RPAP3: variants seen among roughly 807,000 people sequenced by gnomAD.
RPAP3 encodes RNA polymerase II associated protein 3.
Under a neutral mutation model 88.8 loss-of-function variants are expected in RPAP3, and 58 were observed. The observed-to-expected ratio is 0.65, with a 90% confidence interval of 0.53 to 0.81. The LOEUF (loss-of-function observed/expected upper bound fraction) is 0.81. Among genes scored for constraint, RPAP3 ranks in the 40% least tolerant of loss-of-function variants. The pLI is 0.00. For missense variants in RPAP3, 751 were observed against 764.3 expected, an observed-to-expected ratio of 0.98 and a Z score of 0.20; for synonymous variants, 255 against 259.9, an observed-to-expected ratio of 0.98 and a Z score of 0.18.
At chr12:47,698,319 AT>A (rs1268247488) in intron 3 of RPAP3, among the ~76,000 whole-genome samples, 1 of 152,130 alleles carries the variant, frequency 6.6e-6, no homozygotes, top group East Asian at 1.9e-4. Flanking sequence ...CTCAATCGAT[AT>A]GTTATACTGT....
intron 12 of RPAP3, among the ~76,000 whole-genome samples, chr12:47,676,910 A>C (rs2136617812): frequency 6.6e-6 from 1 of 152,326 alleles, no homozygotes; most frequent in Middle Eastern, 3.4e-3. Context: ...CAACATCCTG[A>C]TACCAAAGCC....
rs1282773145 is a variant in RPAP3 at position 47,705,953 on chromosome 12, T to G, written c.-8A>C. ...GCGAGAACCGCAACGCCCGCTCACC[T>G]GACCAGGCCGTAACCCGCCGCACTG... On this transcript the variant is annotated splice_region_variant and 5_prime_UTR_variant, in exon 1 of 17. Coordinates refer to ENST00000005386, the MANE Select transcript of RPAP3 (RefSeq NM_024604.3). 6.5e-6 allele frequency: 1 copy of G among 153,060 alleles called. No homozygotes were observed. Among genetic ancestry groups the G allele is most frequent in the African/African-American group, 2.4e-5 (1 of 41,338 alleles). The allele number at this position is 153,060 out of a possible 1,614,324, so 9.5% of individuals were successfully genotyped here.
Position 47,679,764 on chromosome 12 carries a change from A to T in RPAP3, c.1125T>A (p.Thr375=). 1 of 1,604,058 alleles carries T rather than the reference A, an allele frequency of 6.2e-7. No homozygotes were observed. The highest frequency in any genetic ancestry group is 2.2e-5 in the East Asian group (1 of 44,662). Residue 375 remains threonine, a synonymous_variant, in exon 11 of 17, where the codon ACT becomes ACA. Coordinates refer to ENST00000005386, the MANE Select transcript of RPAP3 (RefSeq NM_024604.3). ...KLNEAKQDFE[T]VLLLEPGNKQ... ...TATTTCCAGGTTCCAGAAGTAAAACAGTTTCAAAATCTAAAGCGAATTTTT... is the reference window on the plus strand; with the variant it reads ...TATTTCCAGGTTCCAGAAGTAAAACTGTTTCAAAATCTAAAGCGAATTTTT...
At chr12:47,667,983 T>C (rs1303483805) in intron 14 of RPAP3, 132 bp from the exon 15 acceptor site, 1 of 558,668 alleles carries the variant, frequency 1.8e-6, no homozygotes, top group Non-Finnish European at 3.2e-6. Flanking sequence ...TCACCTGAGG[T>C]TGGGAGTTCG....
Position 47,689,158 on chromosome 12 carries a change from A to T in RPAP3, c.705T>A (p.Phe235Leu), listed in dbSNP as rs138580530. 6.7e-7 allele frequency: 1 copy of T among 1,482,648 alleles called. No individual in the cohort carries two copies. The highest frequency in any genetic ancestry group is 1.4e-5 in the African/African-American group (1 of 71,802). The allele number at this position is 1,482,648 out of a possible 1,614,324, so 91.8% of individuals were successfully genotyped here. A position where few individuals can be genotyped will look rare whatever the true frequency, so the allele number is the denominator to read the frequency against. ...TTTTCCTGAGTTCATTTGTTGCTTC[A>T]AAGTTATTTGGTTCTAGTTCTAATA... The part of the protein sequence containing the change: ...ERVLELEPNN[F>L]EATNELRKIS... The change falls in exon 7 of 17, where the codon TTT becomes TTA. Residue 235 changes from phenylalanine to leucine, a missense_variant. Coordinates refer to ENST00000005386, the MANE Select transcript of RPAP3 (RefSeq NM_024604.3).
At chr12:47,682,330 TAC>T (rs1939237124) in intron 9 of RPAP3, among the ~76,000 whole-genome samples, 2 of 152,118 alleles carry the variant, frequency 1.3e-5, no homozygotes, top group African/African-American at 2.4e-5. Flanking sequence ...AATTCAGACT[TAC>T]AGACTTACTC....
intron 2 of RPAP3, among the ~76,000 whole-genome samples, chr12:47,702,189 C>A (rs372110151): frequency 3.3e-5 from 5 of 152,284 alleles, no homozygotes; most frequent in East Asian, 3.9e-4. Context: ...ACTCACTAAG[C>A]CTTAAAATAT....
At chr12:47,696,248 A>G (rs1939523160) in intron 5 of RPAP3, 28 bp downstream of exon 5, 3 of 1,486,776 alleles carry the variant, frequency 2.0e-6, no homozygotes, top group Non-Finnish European at 2.7e-6. Flanking sequence ...AGACATTCAC[A>G]TTCACACACG....
intron 3 of RPAP3, 39 bp from the exon 4 acceptor site, chr12:47,697,758 T>A (rs377669093): frequency 1.3e-6 from 2 of 1,545,914 alleles, no homozygotes; most frequent in South Asian, 2.5e-5. Context: ...CATAATTATA[T>A]GATTAGGAAA....
intron 1 of RPAP3, among the ~76,000 whole-genome samples, chr12:47,705,599 C>G (rs1939774962): frequency 6.6e-6 from 1 of 152,174 alleles, no homozygotes; most frequent in Non-Finnish European, 1.5e-5. Context: ...ACTTTCACAC[C>G]CGCTGTCCCG....
chr12:47,690,057 A>G (rs1380746686), intron 6 of RPAP3, among the ~76,000 whole-genome samples: 2 of 130,318 alleles, frequency 1.5e-5, no homozygotes, highest in African/African-American at 2.6e-5. Context: ...AAAAAAAAAG[A>G]AAAAAAAAAA....
rs1938759172 is a variant in RPAP3 at position 47,661,493 on chromosome 12, T to A, written c.*2012A>T. The stretch of plus-strand genomic sequence containing the variant: ...AAAAACAAAGAATAGAAAAGTAACT[T>A]GTCCAAGGCCCTAAAGCCAGATGGA... On this transcript the variant is annotated 3_prime_UTR_variant, in exon 17 of 17. Coordinates refer to ENST00000005386, the MANE Select transcript of RPAP3 (RefSeq NM_024604.3). The A allele has an allele frequency of 6.6e-6, 1 of 152,202 alleles. No homozygotes were observed. The highest frequency in any genetic ancestry group is 2.4e-5 in the African/African-American group (1 of 41,456). The allele number at this position is 152,202 out of a possible 1,614,324, so 9.4% of individuals were successfully genotyped here.
At position 47,661,351 on chromosome 12, in the gene RPAP3, G is replaced by A. The variant is rs1399017465; in HGVS notation, c.*2154C>T. 3.0e-5 allele frequency: 4 copies of A among 133,152 alleles called. No homozygotes were observed. The highest frequency in any genetic ancestry group is 8.3e-5 in the African/African-American group (3 of 36,274). The allele number at this position is 133,152 out of a possible 1,614,324, so 8.2% of individuals were successfully genotyped here. ...TGTTCTTTATTCTAATCACTTTTAG[G>A]AAATGTTGGTAATTGTAATAATAAT... is the stretch of plus-strand genomic sequence containing the variant. On this transcript the variant is annotated 3_prime_UTR_variant, in exon 17 of 17. Transcript: ENST00000005386.
chr12:47,701,455 T>C lies in RPAP3; in HGVS notation c.294+9A>G, dbSNP rs1432455567. On this transcript the variant is annotated intron_variant, in intron 3 of 16. Coordinates refer to ENST00000005386, the MANE Select transcript of RPAP3 (RefSeq NM_024604.3). ...AAATATTAAGAAGCAAATGACTAGATTAACTTACCACATCAAGTTTTGCCC... is the reference window on the plus strand; with the variant it reads ...AAATATTAAGAAGCAAATGACTAGACTAACTTACCACATCAAGTTTTGCCC... 6.4e-7 allele frequency: 1 copy of C among 1,551,792 alleles called. No individual in the cohort carries two copies. Among genetic ancestry groups the C allele is most frequent in the Non-Finnish European group, 8.7e-7 (1 of 1,155,180 alleles).
Position 47,670,274 on chromosome 12 carries a change from A to G in RPAP3, c.1359T>C (p.Thr453=). The G allele has an allele frequency of 1.2e-6, 2 of 1,613,510 alleles. No individual in the cohort carries two copies. Residue 453 remains threonine (T), a synonymous_variant, in exon 13 of 17, where the codon ACT becomes ACC. Coordinates refer to ENST00000005386, the MANE Select transcript of RPAP3 (RefSeq NM_024604.3). The stretch of plus-strand genomic sequence containing the variant: ...GATTATTCTCTGGAGCAGCAGCAGT[A>G]GTGCTATCTGGCACATCAATAGTCT... ...LIQTIDVPDS[T]TAAAPENNPI... is the part of the protein sequence containing the mutation.
At chr12:47,700,026 C>G (rs1939626389) in intron 3 of RPAP3, 1 of 148,576 alleles carries the variant, frequency 6.7e-6, no homozygotes, top group African/African-American at 2.5e-5. Flanking sequence ...CAGAGTCTCC[C>G]TCTGTGGCCC....
chr12:47,667,928 A>G (rs1938915354), intron 14 of RPAP3, 77 bp from the exon 15 acceptor site: 1 of 954,320 alleles, frequency 1.0e-6, no homozygotes, highest in Non-Finnish European at 1.6e-6. Context: ...TTGCTTGGGT[A>G]AAAATAGTAA....
chr12:47,663,043 A>T lies in RPAP3; in HGVS notation c.*462T>A, dbSNP rs1938791334. ...AAAATACATACATACCCTGCAACTAAATAACTTCATGTTAGTGAATTGGCA... is the reference window on the plus strand; with the variant it reads ...AAAATACATACATACCCTGCAACTATATAACTTCATGTTAGTGAATTGGCA... On this transcript the variant is annotated 3_prime_UTR_variant, in exon 17 of 17. Transcript: ENST00000005386. The T allele has an allele frequency of 6.6e-6, 1 of 152,474 alleles. No individual in the cohort carries two copies. The highest frequency in any genetic ancestry group is 2.1e-4 in the South Asian group (1 of 4,844). 9.4% of individuals were successfully genotyped at this position (152,474 alleles called of 1,614,324 possible).
Position 47,667,857 on chromosome 12 carries a change from A to G in RPAP3, c.1714-6T>C. Reference sequence around the variant, plus strand: ...TACAAAGATGGTTCAATTTGCTTGAAAAAAAAATAAAAAGACAATTACTTG... The same window carrying G: ...TACAAAGATGGTTCAATTTGCTTGAGAAAAAAATAAAAAGACAATTACTTG... On this transcript the variant is annotated splice_region_variant and splice_polypyrimidine_tract_variant and intron_variant, in intron 14 of 16. Transcript: ENST00000005386. The G allele has an allele frequency of 2.0e-6, 3 of 1,537,810 alleles. No individual in the cohort carries two copies. The highest frequency in any genetic ancestry group is 2.7e-6 in the Non-Finnish European group (3 of 1,121,144).
Sources: allele counts gnomAD v4.1 joint callset (sites outside exome capture counted in the v4.1 genomes callset), GRCh38; gene constraint gnomAD v4.1.1; transcripts MANE v1.5; gene names NCBI Gene and HGNC (gene_info 2026-07-23, HGNC 2026-07-21).